Variants in EXTL3 observed in about 807,000 individuals in gnomAD.
EXTL3 encodes exostosin-like 3.
A neutral mutation model predicts 69.3 loss-of-function variants in EXTL3; 27 were observed. The observed-to-expected ratio is 0.39, with a 90% confidence interval of 0.29 to 0.54. The LOEUF (loss-of-function observed/expected upper bound fraction) is 0.54, where lower values mean the gene tolerates loss of function less well. EXTL3 is among the 20% of genes least tolerant of loss of function. The probability of loss-of-function intolerance (pLI) is 0.69; values close to 1 mark genes in which losing one functional copy is unlikely to be tolerated. For missense variants in EXTL3, 1,003 were observed against 1,231.8 expected, an observed-to-expected ratio of 0.81 and a Z score of 2.78; for synonymous variants, 511 against 499.4, an observed-to-expected ratio of 1.02 and a Z score of -0.31.
In EXTL3 at chr8:28,733,242, C is replaced by G. The variant is rs534771119; in HGVS notation, c.2276+1892C>G. Among the ~76,000 whole-genome samples the G allele has an allele frequency of 2.6e-5, 4 of 151,986 alleles. 1 individual carries two copies. In the South Asian group the frequency reaches 6.3e-4, roughly 24 times the overall value. ...TCAGGCTGTTTTTCACGGTGGCAGC[C>G]CCATATTGCATTCTCACCAGCAGTG... On this transcript the variant is annotated intron_variant, in intron 4 of 6. Coordinates refer to ENST00000220562, the MANE Select transcript of EXTL3 (RefSeq NM_001440.4).
chr8:28,652,774 C>T (rs1268324936), intron 1 of EXTL3, among the ~76,000 whole-genome samples: 1 of 152,002 alleles, frequency 6.6e-6, no homozygotes, highest in African/African-American at 2.4e-5. Context: ...CAATGTTGAG[C>T]ATCTTTTCCT....
chr8:28,697,926 A>G (rs1321546330), upstream of EXTL3: 1 of 152,204 alleles, frequency 6.6e-6, no homozygotes, highest in Non-Finnish European at 1.5e-5. Flanking sequence ...TAGAGATAAT[A>G]AGTGCTGTAA....
intron 1 of EXTL3, among the ~76,000 whole-genome samples, chr8:28,677,304 A>T (rs1807403311): frequency 6.6e-6 from 1 of 152,102 alleles, no homozygotes; most frequent in Non-Finnish European, 1.5e-5. Flanking sequence ...TTATTTTTTT[A>T]AAAATCTAAC....
At chr8:28,720,207 T>G (rs1185523470) in intron 3 of EXTL3, among the ~76,000 whole-genome samples, 1 of 152,156 alleles carries the variant, frequency 6.6e-6, no homozygotes. Flanking sequence ...GACTGGTAGC[T>G]CTCTCTGCTA....
chr8:28,630,234 T>C (rs1235528901), intron 1 of EXTL3, among the ~76,000 whole-genome samples: 2 of 151,812 alleles, frequency 1.3e-5, no homozygotes, highest in Non-Finnish European at 2.9e-5. Flanking sequence ...TAAAGGGGAG[T>C]TCTCCTGCAC....
intron 1 of EXTL3, among the ~76,000 whole-genome samples, chr8:28,643,483 T>C (rs1441452595): frequency 3.3e-5 from 5 of 150,790 alleles, no homozygotes; most frequent in South Asian, 2.1e-4. Flanking sequence ...GGTGCTATCT[T>C]GGCTCACTGC....
At chr8:28,684,725 G>C (rs1024355364) in intron 1 of EXTL3, among the ~76,000 whole-genome samples, 1 of 152,176 alleles carries the variant, frequency 6.6e-6, no homozygotes, top group Non-Finnish European at 1.5e-5. Flanking sequence ...CTGGGCAACA[G>C]AGTGAGACCC....
rs868811717 is a variant in EXTL3, at chr8:28,708,104, G to A, written c.-569-5353G>A. Reference sequence around the variant, plus strand: ...TTGGGATTTAGAAACCTACTCTTAAGCCCAAAGAATAAATTGTTTTCCCTT... The same window carrying A: ...TTGGGATTTAGAAACCTACTCTTAAACCCAAAGAATAAATTGTTTTCCCTT... On this transcript the variant is annotated intron_variant, in intron 1 of 6. Coordinates refer to ENST00000220562, the MANE Select transcript of EXTL3 (RefSeq NM_001440.4). Among the ~76,000 whole-genome samples the A allele has an allele frequency of 3.3e-5, 5 of 152,190 alleles. No individual in the cohort carries two copies. In the South Asian group the frequency reaches 1.0e-3, roughly 32 times the overall value.
intron 1 of EXTL3, among the ~76,000 whole-genome samples, chr8:28,626,119 C>G (rs1806486849): frequency 7.2e-6 from 1 of 138,088 alleles, no homozygotes; most frequent in South Asian, 2.4e-4. Context: ...TTACAGTGAG[C>G]TGAGATTGCA....
chr8:28,655,885 A>G (rs953086931), intron 1 of EXTL3, among the ~76,000 whole-genome samples: 1 of 152,174 alleles, frequency 6.6e-6, no homozygotes, highest in Non-Finnish European at 1.5e-5. Context: ...CCTGGTCATG[A>G]TGGCGGCCTG....
At chr8:28,668,393 G>A (rs1451229305) in intron 1 of EXTL3, among the ~76,000 whole-genome samples, 1 of 135,930 alleles carries the variant, frequency 7.4e-6, no homozygotes, top group Admixed American at 8.1e-5. Flanking sequence ...GTGCAGTGGT[G>A]CAATCTCGGC....
intron 3 of EXTL3, among the ~76,000 whole-genome samples, chr8:28,729,253 C>G (rs1290571633): frequency 7.0e-6 from 1 of 143,834 alleles, no homozygotes; most frequent in East Asian, 2.1e-4. Flanking sequence ...CGAGATCACA[C>G]CACTGCATTC....
chr8:28,633,082 T>C (rs1292572422), intron 1 of EXTL3, among the ~76,000 whole-genome samples: 2 of 152,200 alleles, frequency 1.3e-5, no homozygotes, highest in African/African-American at 4.8e-5. Context: ...CTCACACTTG[T>C]AATCCCAGTG....
At chr8:28,710,502 G>A (rs1407763409) in intron 1 of EXTL3, 1 of 456,168 alleles carries the variant, frequency 2.2e-6, no homozygotes, top group Non-Finnish European at 4.4e-6. Flanking sequence ...AGAAATGAAG[G>A]TGTAAGTGGG....
intron 1 of EXTL3, among the ~76,000 whole-genome samples, chr8:28,703,152 G>T (rs967033944): frequency 6.6e-6 from 1 of 152,238 alleles, no homozygotes; most frequent in African/African-American, 2.4e-5. Context: ...GAGCAAGAGA[G>T]AATCGAGCCT....
chr8:28,653,900 G>C (rs1019848795), intron 1 of EXTL3, among the ~76,000 whole-genome samples: 3 of 152,020 alleles, frequency 2.0e-5, no homozygotes, highest in Non-Finnish European at 4.4e-5. Flanking sequence ...TTTTAGAATG[G>C]GATTTTTCAT....
chr8:28,639,124 G>A (rs1806703810), intron 1 of EXTL3, among the ~76,000 whole-genome samples: 1 of 151,820 alleles, frequency 6.6e-6, no homozygotes, highest in African/African-American at 2.4e-5. Flanking sequence ...TTTTAGTAGA[G>A]ACAGGTTTTC....
At chr8:28,745,642 G>C (rs897352293) in intron 6 of EXTL3, among the ~76,000 whole-genome samples, 3 of 152,204 alleles carry the variant, frequency 2.0e-5, no homozygotes, top group Non-Finnish European at 4.4e-5. Context: ...TGCCTCTCTA[G>C]TAGACCAGAA....
intron 6 of EXTL3, among the ~76,000 whole-genome samples, chr8:28,746,921 G>A (rs1392989030): frequency 2.0e-5 from 3 of 152,240 alleles, no homozygotes; most frequent in East Asian, 3.9e-4. Context: ...TGATCTGCCC[G>A]CCTTGGCCTC....
Sources: allele counts gnomAD v4.1 joint callset (sites outside exome capture counted in the v4.1 genomes callset), GRCh38; gene constraint gnomAD v4.1.1; transcripts MANE v1.5; gene names NCBI Gene and HGNC (gene_info 2026-07-23, HGNC 2026-07-21).